Variants in CC2D2B observed in about 807,000 individuals in gnomAD.
CC2D2B encodes the protein protein CC2D2B.
A neutral mutation model predicts 161.2 loss-of-function variants in CC2D2B; 128 were observed. That is an observed-to-expected ratio of 0.79 (90% CI 0.69 to 0.92). The LOEUF (loss-of-function observed/expected upper bound fraction) is 0.92. Among genes scored for constraint, CC2D2B ranks in the 40% least tolerant of loss-of-function variants. CC2D2B has a pLI of 0.00. For synonymous variants in CC2D2B, 391 were observed against 449.8 expected, an observed-to-expected ratio of 0.87 and a Z score of 1.65; for missense variants, 1,173 against 1,375.1, an observed-to-expected ratio of 0.85 and a Z score of 2.32.
chr10:95,927,897 C>T (rs1053290994), intron 6 of CC2D2B, among the ~76,000 whole-genome samples: 2 of 152,048 alleles, frequency 1.3e-5, no homozygotes, highest in Non-Finnish European at 2.9e-5. Flanking sequence ...TTCCTCCAGT[C>T]CTACTTAGCC....
In CC2D2B at chr10:95,937,993, A is replaced by C; in HGVS notation, c.339A>C (p.Arg113Ser). 1 of 1,535,754 alleles carries C rather than the reference A, an allele frequency of 6.5e-7. No individual in the cohort carries two copies. Residue 113 changes from arginine (R) to serine (S), a missense_variant and splice_region_variant, in exon 7 of 35, where the codon AGA (arginine) becomes AGC (serine). Transcript: ENST00000646931. ...TTTTCCTTTTTGGTATTCAACAGAG[A>C]CCAGTAAACCGTAGTTATCCCAAAT... ...GSALGKSSEQ[R>S]PVNRSYPKCF...
At chr10:95,973,713 T>C (rs1364730218) in intron 16 of CC2D2B, among the ~76,000 whole-genome samples, 1 of 151,802 alleles carries the variant, frequency 6.6e-6, no homozygotes, top group Non-Finnish European at 1.5e-5. Flanking sequence ...TACAAAAAAT[T>C]AGCCAGGCAT....
intron 9 of CC2D2B, among the ~76,000 whole-genome samples, chr10:95,941,669 TA>T (rs200803292): frequency 1.3e-4 from 20 of 149,888 alleles, no homozygotes; most frequent in African/African-American, 2.0e-4. Context: ...GGTCATTATT[TA>T]AAAAAAAAAT....
intron 2 of CC2D2B, among the ~76,000 whole-genome samples, chr10:95,916,947 A>C (rs1158557363): frequency 2.0e-5 from 3 of 151,500 alleles, no homozygotes; most frequent in African/African-American, 7.3e-5. Context: ...TTTTTGGTTG[A>C]TTTTCTGTCT....
intron 25 of CC2D2B, among the ~76,000 whole-genome samples, chr10:96,004,977 A>C (rs2078682265): frequency 6.6e-6 from 1 of 152,214 alleles, no homozygotes; most frequent in African/African-American, 2.4e-5. Context: ...TGTAAAAACC[A>C]CTGCAAATCA....
chr10:95,955,373 G>A, intron 10 of CC2D2B, 21 bp from the exon 11 acceptor site: 1 of 384,328 alleles, frequency 2.6e-6, no homozygotes, highest in Non-Finnish European at 4.6e-6. Context: ...ATACCGAAGA[G>A]CTCTTTTTTT....
chr10:96,031,716 T>C (rs948192222), intron 34 of CC2D2B, 104 bp from the exon 35 acceptor site: 2 of 993,974 alleles, frequency 2.0e-6, no homozygotes, highest in Non-Finnish European at 3.1e-6. Context: ...TATAGTATTT[T>C]ATGAGTACTA....
intron 9 of CC2D2B, among the ~76,000 whole-genome samples, chr10:95,948,205 C>T (rs1308969942): frequency 1.4e-5 from 2 of 146,732 alleles, no homozygotes; most frequent in African/African-American, 5.1e-5. Flanking sequence ...CAAGTCAATC[C>T]TAAGCCAAAA....
intron 15 of CC2D2B, among the ~76,000 whole-genome samples, chr10:95,970,916 C>A (rs2077104046): frequency 6.6e-6 from 1 of 152,058 alleles, no homozygotes; most frequent in South Asian, 2.1e-4. Flanking sequence ...AAATATGTGC[C>A]TCTTTGACTT....
At chr10:96,013,535 G>A (rs917704612) in intron 28 of CC2D2B, among the ~76,000 whole-genome samples, 1 of 151,206 alleles carries the variant, frequency 6.6e-6, no homozygotes, top group African/African-American at 2.4e-5. Context: ...AAATATAATG[G>A]TTACATGCAC....
chr10:95,971,215 C>A (rs986914765), intron 15 of CC2D2B, among the ~76,000 whole-genome samples: 4 of 151,876 alleles, frequency 2.6e-5, no homozygotes, highest in Non-Finnish European at 5.9e-5. Context: ...ATGATGAAAT[C>A]CCGTCTCTAC....
intron 26 of CC2D2B, among the ~76,000 whole-genome samples, chr10:96,010,654 G>A (rs1209783123): frequency 6.6e-6 from 1 of 152,156 alleles, no homozygotes; most frequent in Admixed American, 6.6e-5. Context: ...TGCCGGGGGA[G>A]TGGTTCAGAG....
intron 1 of CC2D2B, among the ~76,000 whole-genome samples, chr10:95,910,982 A>G (rs1473466102): frequency 6.6e-6 from 1 of 151,974 alleles, no homozygotes; most frequent in Non-Finnish European, 1.5e-5. Context: ...CCAATTTTCT[A>G]ATTATGTCTA....
intron 34 of CC2D2B, among the ~76,000 whole-genome samples, chr10:96,027,883 G>A (rs2079851326): frequency 6.6e-6 from 1 of 152,122 alleles, no homozygotes; most frequent in Admixed American, 6.6e-5. Context: ...ACATACACTG[G>A]GGAAAATACA....
At chr10:95,970,956 G>A (rs77480979) in intron 15 of CC2D2B, among the ~76,000 whole-genome samples, 5,768 of 152,170 alleles carry the variant, frequency 0.038, 159 homozygotes, top group South Asian at 0.079. Context: ...TGGCTAATAA[G>A]TCATCACTTT....
intron 6 of CC2D2B, among the ~76,000 whole-genome samples, chr10:95,928,157 T>G (rs1231193393): frequency 1.3e-5 from 2 of 152,120 alleles, no homozygotes; most frequent in African/African-American, 2.4e-5. Context: ...CCTCCCAGTC[T>G]CTTCCAGTCT....
chr10:95,959,112 T>C (rs2076677726), intron 11 of CC2D2B, among the ~76,000 whole-genome samples: 1 of 152,060 alleles, frequency 6.6e-6, no homozygotes, highest in Non-Finnish European at 1.5e-5. Context: ...TAATCAAACA[T>C]ATTCAAGAAG....
intron 11 of CC2D2B, among the ~76,000 whole-genome samples, chr10:95,960,788 T>C (rs1054119619): frequency 6.6e-6 from 1 of 152,172 alleles, no homozygotes; most frequent in Non-Finnish European, 1.5e-5. Context: ...GCTGAGATTA[T>C]AGGCATGCAC....
chr10:95,980,762 A>C (rs1349996174), intron 17 of CC2D2B, among the ~76,000 whole-genome samples: 1 of 152,198 alleles, frequency 6.6e-6, no homozygotes, highest in Non-Finnish European at 1.5e-5. Context: ...AACAAATGGG[A>C]AGGAGACAGT....
Sources: allele counts gnomAD v4.1 joint callset (sites outside exome capture counted in the v4.1 genomes callset), GRCh38; gene constraint gnomAD v4.1.1; transcripts MANE v1.5; gene names NCBI Gene and HGNC (gene_info 2026-07-23, HGNC 2026-07-21).